Variants in AUTS2 observed in about 807,000 individuals in gnomAD.
The protein encoded by AUTS2 is autism susceptibility gene 2 protein.
In AUTS2, 17 loss-of-function variants were observed where a neutral mutation model predicts 112.4. That is an observed-to-expected ratio of 0.15 (90% CI 0.10 to 0.23). The LOEUF (loss-of-function observed/expected upper bound fraction) is 0.23. Among genes scored for constraint, AUTS2 ranks in the 10% least tolerant of loss-of-function variants. The probability of loss-of-function intolerance (pLI) is 1.00; values close to 1 mark genes in which losing one functional copy is unlikely to be tolerated. For synonymous variants in AUTS2, 751 were observed against 702.7 expected (o/e 1.07, Z -1.09); for missense variants, 1,510 against 1,701.6 (o/e 0.89, Z 1.98).
In AUTS2 at chr7:69,787,677, C is replaced by T. The variant is rs58022091; in HGVS notation, c.310-111609C>T. On this transcript the variant is annotated intron_variant, in intron 1 of 18. Transcript: ENST00000342771. ...TGATTCTCCTGCCTCAGCTGTAATC[C>T]CAAGAAGCTGGGATTACAGGCGTGC... Among the ~76,000 whole-genome samples, 477 of 152,258 alleles carry T rather than the reference C, an allele frequency of 3.1e-3. 3 individuals carry two copies. Among genetic ancestry groups the T allele is most frequent in the African/African-American group, 0.011 (469 of 41,554 alleles).
chr7:70,668,571 G>A (rs777858210), intron 5 of AUTS2, among the ~76,000 whole-genome samples: 4 of 152,160 alleles, frequency 2.6e-5, no homozygotes, highest in Non-Finnish European at 5.9e-5. Context: ...GTGTGATTGC[G>A]AACACCTTTC....
chr7:70,662,780 AG>A (rs746374453), intron 5 of AUTS2, among the ~76,000 whole-genome samples: 36 of 152,128 alleles, frequency 2.4e-4, no homozygotes, highest in Non-Finnish European at 4.6e-4. Flanking sequence ...TGTCAGCAGC[AG>A]GGTTGGGAGT....
intron 2 of AUTS2, among the ~76,000 whole-genome samples, chr7:70,034,676 G>T (rs1800922585): frequency 6.6e-6 from 1 of 152,138 alleles, no homozygotes; most frequent in Non-Finnish European, 1.5e-5. Context: ...ACAGTTTGGT[G>T]GTTGTTACAA....
intron 2 of AUTS2, among the ~76,000 whole-genome samples, chr7:69,978,815 C>T (rs1445076110): frequency 6.6e-6 from 1 of 150,884 alleles, no homozygotes; most frequent in Non-Finnish European, 1.5e-5. Flanking sequence ...CTCTGTATTC[C>T]AGCCTGGACG....
chr7:70,790,607 C>A lies in AUTS2; in HGVS notation c.3391C>A (p.His1131Asn). The A allele has an allele frequency of 6.2e-7, 1 of 1,607,892 alleles. No individual in the cohort carries two copies. Among genetic ancestry groups the A allele is most frequent in the Non-Finnish European group, 8.5e-7 (1 of 1,177,682 alleles). ...CGACTACAGCCACCACCACCACCAC[C>A]ACCACCACCCGCTGTCTGTGGACCC... ...PHDYSHHHHHHHHPLSVDPRR... is the reference protein window; with the variant it reads ...PHDYSHHHHHNHHPLSVDPRR... The change falls in exon 19 of 19, where the codon CAC becomes AAC. Residue 1131 changes from histidine (H) to asparagine (N), a missense_variant. Transcript: ENST00000342771. This position sits in a 1 kb window ranked among gnomAD's most constrained non-coding sequence, Gnocchi z 7.6.
chr7:70,048,103 C>T (rs995874434), intron 2 of AUTS2, among the ~76,000 whole-genome samples: 4 of 152,166 alleles, frequency 2.6e-5, no homozygotes, highest in Non-Finnish European at 4.4e-5. Flanking sequence ...CACTGTGCTT[C>T]TGGGGGATTT....
intron 4 of AUTS2, among the ~76,000 whole-genome samples, chr7:70,317,786 ATCTG>A (rs1790065869): frequency 6.6e-6 from 1 of 152,168 alleles, no homozygotes; most frequent in Non-Finnish European, 1.5e-5. Context: ...TAGAGGAGAA[ATCTG>A]TCTGTCTCAT....
In AUTS2 at chr7:70,330,987, G is replaced by A. The variant is rs576960387; in HGVS notation, c.661-104765G>A. On this transcript the variant is annotated intron_variant, in intron 4 of 18. Transcript: ENST00000342771. ...GAGAATTTTTGCATCAATGTTCATC[G>A]CAGATATTGGCCTGAAATTTTCTTT... Among the ~76,000 whole-genome samples, 10 of 152,122 alleles carry A rather than the reference G, an allele frequency of 6.6e-5. No individual in the cohort carries two copies. In the South Asian group the frequency reaches 1.2e-3, roughly 19 times the overall value.
chr7:70,653,302 C>T (rs749745440), intron 5 of AUTS2, among the ~76,000 whole-genome samples: 2 of 152,132 alleles, frequency 1.3e-5, no homozygotes, highest in African/African-American at 2.4e-5. Flanking sequence ...AAACCTAACC[C>T]TCAATATATT....
At chr7:70,734,362 C>T (rs1787653074) in intron 6 of AUTS2, among the ~76,000 whole-genome samples, 1 of 151,930 alleles carries the variant, frequency 6.6e-6, no homozygotes, top group African/African-American at 2.4e-5. Flanking sequence ...ATGGCATGAA[C>T]CTGGGAAGTG....
chr7:70,295,996 C>CA (rs34241023), intron 4 of AUTS2, among the ~76,000 whole-genome samples: 16,444 of 147,648 alleles, frequency 0.11, 920 homozygotes, highest in East Asian at 0.15. Flanking sequence ...CTGGGAATAC[C>CA]AAAAAAAAAA....
At chr7:70,138,339 C>T (rs1439949243) in intron 4 of AUTS2, among the ~76,000 whole-genome samples, 2 of 152,208 alleles carry the variant, frequency 1.3e-5, no homozygotes, top group Admixed American at 1.3e-4. Flanking sequence ...GGTATGTCAT[C>T]ACAGGAAAGA....
At chr7:70,294,160 T>C (rs1181319777) in intron 4 of AUTS2, 1 of 152,222 alleles carries the variant, frequency 6.6e-6, no homozygotes, top group Non-Finnish European at 1.5e-5. Context: ...CTTTTCTTTG[T>C]GTTTGCATAG....
At chr7:70,367,246 G>A (rs1281892338) in intron 4 of AUTS2, among the ~76,000 whole-genome samples, 1 of 152,106 alleles carries the variant, frequency 6.6e-6, no homozygotes, top group African/African-American at 2.4e-5. Flanking sequence ...CTGGGTAACA[G>A]AGCGAGAGTC....
At chr7:69,619,977 T>C (rs1398959852) in intron 1 of AUTS2, among the ~76,000 whole-genome samples, 2 of 152,226 alleles carry the variant, frequency 1.3e-5, no homozygotes, top group Non-Finnish European at 2.9e-5. Context: ...GCTTAAATTA[T>C]GATTTTTTGA....
intron 4 of AUTS2, among the ~76,000 whole-genome samples, chr7:70,420,169 T>C (rs887778285): frequency 2.0e-5 from 3 of 152,230 alleles, no homozygotes; most frequent in African/African-American, 7.2e-5. Flanking sequence ...ATATTTTGGA[T>C]TTTTTAGTGG....
intron 1 of AUTS2, among the ~76,000 whole-genome samples, chr7:69,894,262 T>TG (rs1372600827): frequency 9.8e-5 from 13 of 133,198 alleles, no homozygotes; most frequent in South Asian, 2.6e-4. Context: ...GTTTTTTTTT[T>TG]TTTTTTTTTT....
At chr7:70,363,465 G>GAAAAAAAAAA (rs369462886) in intron 4 of AUTS2, among the ~76,000 whole-genome samples, 1 of 110,774 alleles carries the variant, frequency 9.0e-6, no homozygotes, top group African/African-American at 3.5e-5. Context: ...ATAAAAAAAA[G>GAAAAAAAAAA]AAAAAAAAAA....
At chr7:70,541,707 C>A (rs1800559480) in intron 5 of AUTS2, among the ~76,000 whole-genome samples, 2 of 152,168 alleles carry the variant, frequency 1.3e-5, no homozygotes, top group African/African-American at 2.4e-5. Context: ...GAGGGACAGA[C>A]AATTGACTGT....
Sources: gnomAD v4.1 joint callset for allele counts (sites outside exome capture counted in the v4.1 genomes callset) on GRCh38, gnomAD v4.1.1 for gene constraint, Gnocchi (gnomAD v3.1) non-coding constraint, MANE v1.5 for transcripts, NCBI Gene and HGNC (gene_info 2026-07-23, HGNC 2026-07-21) for gene names.